GARIN4: variants seen among roughly 807,000 people sequenced by gnomAD.
GARIN4 encodes the protein Golgi-associated RAB2 interactor protein 4.
the GARIN4 span, chr1:212,626,351 G>A: frequency 3.1e-6 from 5 of 1,614,198 alleles, 1 homozygote; most frequent in African/African-American, 4.0e-5. Flanking sequence ...CTCGCATAAA[G>A]GTGTCAGCCA....
chr1:212,626,487 T>C, the GARIN4 span: 1 of 1,614,188 alleles, frequency 6.2e-7, no homozygotes, highest in East Asian at 2.2e-5. Flanking sequence ...AGAGCCAACC[T>C]TACTACAAAA....
At chr1:212,625,783 T>C in the GARIN4 span, 2 of 1,614,112 alleles carry the variant, frequency 1.2e-6, no homozygotes, top group South Asian at 1.1e-5. Flanking sequence ...CAGCAGCCAA[T>C]TCTGCCCCTG....
chr1:212,626,575 C>T, the GARIN4 span: 31 of 1,613,978 alleles, frequency 1.9e-5, no homozygotes, highest in Middle Eastern at 3.3e-4. Context: ...TGGCCATCGC[C>T]GAGACAGCAG....
chr1:212,625,698 G>C, the GARIN4 span: 453 of 1,614,070 alleles, frequency 2.8e-4, 1 homozygote, highest in African/African-American at 5.0e-3. Context: ...GCAACAGGGG[G>C]GATTAAAGAG....
the GARIN4 span, chr1:212,626,268 T>C: frequency 1.2e-6 from 2 of 1,613,928 alleles, no homozygotes; most frequent in African/African-American, 2.7e-5. Context: ...AGGTCCTCAT[T>C]CAGCCACAGA....
the GARIN4 span, chr1:212,625,149 C>T: frequency 4.0e-5 from 64 of 1,614,044 alleles, no homozygotes; most frequent in South Asian, 2.1e-4. Flanking sequence ...CTGGCACGAC[C>T]GGCCACCGGC....
At chr1:212,626,620 G>A in the GARIN4 span, 2 of 1,612,126 alleles carry the variant, frequency 1.2e-6, no homozygotes, top group South Asian at 1.1e-5. Context: ...TTGGTTCTAT[G>A]ACACCGGACA....
chr1:212,624,690 CCCCCA>C, the GARIN4 span: 2 of 1,150,942 alleles, frequency 1.7e-6, no homozygotes, highest in Non-Finnish European at 2.3e-6. Context: ...CGTGCTCCCA[CCCCCA>C]CCCCGGCCTC....
chr1:212,625,677 C>T, the GARIN4 span: 1 of 1,614,002 alleles, frequency 6.2e-7, no homozygotes, highest in South Asian at 1.1e-5. Flanking sequence ...ACAGAACTTG[C>T]TGAGGAGCCA....
the GARIN4 span, chr1:212,625,835 G>A: frequency 6.2e-7 from 1 of 1,614,250 alleles, no homozygotes; most frequent in East Asian, 2.2e-5. Context: ...CACCATCGGT[G>A]CAGGAGGAAA....
the GARIN4 span, chr1:212,626,735 G>T: frequency 6.6e-7 from 1 of 1,514,070 alleles, no homozygotes; most frequent in East Asian, 2.3e-5. Flanking sequence ...CTATTCCAGC[G>T]TTCTTTACTG....
At chr1:212,626,414 T>G in the GARIN4 span, 5 of 1,614,212 alleles carry the variant, frequency 3.1e-6, no homozygotes, top group South Asian at 1.1e-5. Flanking sequence ...GAGGAGCTTA[T>G]GGACCACCAG....
At chr1:212,625,394 C>T in the GARIN4 span, 2 of 1,614,224 alleles carry the variant, frequency 1.2e-6, no homozygotes, top group African/African-American at 2.7e-5. Flanking sequence ...ACTAATTTAC[C>T]TCTTGCGGCC....
the GARIN4 span, chr1:212,624,965 C>T: frequency 1.2e-5 from 19 of 1,613,980 alleles, no homozygotes; most frequent in Admixed American, 1.2e-4. Flanking sequence ...GAAACTGCAG[C>T]GACAACTGTA....
the GARIN4 span, chr1:212,625,679 G>A: frequency 1.2e-6 from 2 of 1,614,018 alleles, no homozygotes; most frequent in East Asian, 2.2e-5. Context: ...AGAACTTGCT[G>A]AGGAGCCAGC....
the GARIN4 span, chr1:212,624,756 G>C: frequency 7.0e-7 from 1 of 1,432,362 alleles, no homozygotes; most frequent in African/African-American, 1.4e-5. Flanking sequence ...GTGGGATTGA[G>C]AGACCAGCTG....
the GARIN4 span, chr1:212,624,821 C>A: frequency 6.7e-7 from 1 of 1,482,552 alleles, no homozygotes; most frequent in Non-Finnish European, 9.0e-7. Context: ...GCCACCGAGG[C>A]CAAGGAAGAC....
chr1:212,626,016 G>A, the GARIN4 span: 2 of 1,614,248 alleles, frequency 1.2e-6, no homozygotes, highest in Non-Finnish European at 1.7e-6. Context: ...CTGACCAGCA[G>A]GACAGCTGCA....
the GARIN4 span, chr1:212,625,351 C>T: frequency 6.8e-6 from 11 of 1,614,140 alleles, no homozygotes; most frequent in Non-Finnish European, 9.3e-6. Context: ...CCGCTCTTGA[C>T]ACACGGGATG....
Sources: allele counts gnomAD v4.1 joint callset, GRCh38; gene constraint gnomAD v4.1.1; transcripts MANE v1.5; gene names NCBI Gene and HGNC (gene_info 2026-07-23, HGNC 2026-07-21).